Variants in DYSF observed in about 807,000 individuals in gnomAD.
DYSF encodes the protein dystrophy-associated fer-1-like 1.
In DYSF, 212 loss-of-function variants were observed where a neutral mutation model predicts 274.9. The ratio of observed to expected loss-of-function variants is 0.77; its 90% CI spans 0.69 to 0.86. The LOEUF (loss-of-function observed/expected upper bound fraction) is 0.86, where lower values mean the gene tolerates loss of function less well. Among genes scored for constraint, DYSF ranks in the 40% least tolerant of loss-of-function variants. The pLI, the probability that DYSF is intolerant of heterozygous loss-of-function variation, is 0.00. For synonymous variants in DYSF, 1,091 were observed against 1,078.7 expected (o/e 1.01, Z -0.22); for missense variants, 2,666 against 2,783.2 (o/e 0.96, Z 0.95).
intron 10 of DYSF, among the ~76,000 whole-genome samples, chr2:71,519,811 G>GTTTTT (rs70959241): frequency 8.4e-4 from 86 of 102,262 alleles, no homozygotes; most frequent in Non-Finnish European, 1.1e-3. Context: ...CACCCGGCTA[G>GTTTTT]TTTTTTTTTT....
intron 14 of DYSF, among the ~76,000 whole-genome samples, chr2:71,532,129 T>C (rs1422288255): frequency 2.0e-5 from 3 of 152,360 alleles, no homozygotes; most frequent in African/African-American, 7.2e-5. Flanking sequence ...GAAATGATTT[T>C]TTTTGATGGC....
chr2:71,543,646 G>A (rs1425795135), intron 17 of DYSF, among the ~76,000 whole-genome samples: 7 of 152,332 alleles, frequency 4.6e-5, no homozygotes, highest in Admixed American at 2.6e-4. Flanking sequence ...GATCACTCGC[G>A]GTTAGGAGCT....
chr2:71,504,459 A>G (rs2085291843), intron 4 of DYSF, among the ~76,000 whole-genome samples: 1 of 152,086 alleles, frequency 6.6e-6, no homozygotes, highest in African/African-American at 2.4e-5. Context: ...GCCTGTCTCC[A>G]TCACCCTGAG....
intron 32 of DYSF, among the ~76,000 whole-genome samples, chr2:71,598,111 A>AC (rs1482153775): frequency 6.6e-6 from 1 of 152,250 alleles, no homozygotes; most frequent in Non-Finnish European, 1.5e-5. Flanking sequence ...TTGTAATTTT[A>AC]CGTTAGCTTG....
intron 3 of DYSF, among the ~76,000 whole-genome samples, chr2:71,491,982 C>G (rs940825467): frequency 6.6e-6 from 1 of 152,148 alleles, no homozygotes; most frequent in Admixed American, 6.5e-5. Context: ...TGCCAGCCCC[C>G]GCTTCTGGCA....
intron 1 of DYSF, among the ~76,000 whole-genome samples, chr2:71,460,603 G>T (rs1043965823): frequency 5.3e-5 from 8 of 152,126 alleles, no homozygotes; most frequent in African/African-American, 1.9e-4. Flanking sequence ...GTCTGCAAGG[G>T]AACAGTCAGT....
intron 17 of DYSF, among the ~76,000 whole-genome samples, chr2:71,543,718 C>T (rs1317085087): frequency 1.3e-5 from 2 of 152,244 alleles, no homozygotes; most frequent in African/African-American, 2.4e-5. Flanking sequence ...GAAAACCAGT[C>T]AGGCGTGGCG....
intron 52 of DYSF, among the ~76,000 whole-genome samples, chr2:71,678,370 A>G (rs956394616): frequency 2.0e-5 from 3 of 152,212 alleles, no homozygotes; most frequent in African/African-American, 7.2e-5. Context: ...AAAAAACACT[A>G]CTGATATATA....
chr2:71,612,271 G>A (rs1222748100), intron 38 of DYSF, among the ~76,000 whole-genome samples: 1 of 152,172 alleles, frequency 6.6e-6, no homozygotes, highest in East Asian at 1.9e-4. Context: ...AAGAATCTGG[G>A]TCTGTAAGCC....
chr2:71,686,498 C>G lies in DYSF; in HGVS notation c.*6C>G, dbSNP rs763956156. 3 of 1,614,112 alleles carry G rather than the reference C, an allele frequency of 1.9e-6. No homozygotes were observed. The South Asian group carries it at 3.3e-5, about 18-fold the overall frequency. ...TGGTGAAGCCCTTCAGCTGAGGACT[C>G]TCCTGCCCTGTAGAAGGGGCCGTGG... On this transcript the variant is annotated 3_prime_UTR_variant, in exon 56 of 56. Coordinates refer to ENST00000410020, the MANE Select transcript of DYSF (RefSeq NM_001130987.2).
At position 71,481,985 on chromosome 2, in the gene DYSF, G is replaced by A. The variant is rs376711978; in HGVS notation, c.239+15G>A. 3.1e-6 allele frequency: 5 copies of A among 1,607,752 alleles called. No homozygotes were observed. In the South Asian group the frequency reaches 3.3e-5, roughly 11 times the overall value. On this transcript the variant is annotated intron_variant, in intron 3 of 55. Coordinates refer to ENST00000410020, the MANE Select transcript of DYSF (RefSeq NM_001130987.2). ...GGGAGGAACAGGTAAGGTGGCCAGA[G>A]GGGGGTGCTCCATGGCTTGAAGGTG...
intron 1 of DYSF, among the ~76,000 whole-genome samples, chr2:71,458,806 C>T (rs550325342): frequency 1.1e-4 from 17 of 152,294 alleles, no homozygotes; most frequent in Admixed American, 5.2e-4. Context: ...CTCCCAACAC[C>T]GCTGCAAACT....
At chr2:71,677,685 A>G (rs1253876017) in intron 52 of DYSF, among the ~76,000 whole-genome samples, 1 of 152,250 alleles carries the variant, frequency 6.6e-6, no homozygotes, top group Non-Finnish European at 1.5e-5. Context: ...AAACCAGAAT[A>G]TAGCAAGTGT....
chr2:71,639,522 C>G (rs2094455847), intron 41 of DYSF, among the ~76,000 whole-genome samples: 5 of 152,154 alleles, frequency 3.3e-5, no homozygotes, highest in Admixed American at 3.3e-4. Context: ...TTATAAATCT[C>G]ATCAGTTGTG....
At chr2:71,622,135 T>TTTTTTTTTTTTTTTTTTTTTTTG (rs1558651860) in intron 41 of DYSF, among the ~76,000 whole-genome samples, 3 of 138,612 alleles carry the variant, frequency 2.2e-5, no homozygotes, top group East Asian at 2.1e-4. Flanking sequence ...TCTTTGTTTT[T>TTTTTTTTTTTTTTTTTTTTTTTG]TTTTTTTTTT....
intron 33 of DYSF, among the ~76,000 whole-genome samples, chr2:71,598,997 G>T (rs569096617): frequency 6.6e-6 from 1 of 152,350 alleles, no homozygotes; most frequent in Non-Finnish European, 1.5e-5. Flanking sequence ...CAGGGGCTTG[G>T]GTTTTCTCTG....
At position 71,585,948 on chromosome 2, in the gene DYSF, C is replaced by T. The variant is rs542288301; in HGVS notation, c.3403-3645C>T. Among the ~76,000 whole-genome samples the T allele has an allele frequency of 5.9e-5, 9 of 151,976 alleles. No individual in the cohort carries two copies. The South Asian group carries it at 1.7e-3, about 28-fold the overall frequency. On this transcript the variant is annotated intron_variant, in intron 30 of 55. Transcript: ENST00000410020. ...GACTGCACAGAAACGTCAGGGGACA[C>T]ATGGGGCAAGGGCCTGGGGGCAAGA...
intron 12 of DYSF, among the ~76,000 whole-genome samples, chr2:71,524,252 A>T (rs1239579504): frequency 1.3e-5 from 2 of 152,178 alleles, no homozygotes; most frequent in Non-Finnish European, 2.9e-5. Context: ...TAGTCTAATC[A>T]GTTTATGTGT....
At chr2:71,618,316 G>T (rs2093974435) in intron 40 of DYSF, among the ~76,000 whole-genome samples, 1 of 121,654 alleles carries the variant, frequency 8.2e-6, no homozygotes. Context: ...GTGTGTGTGT[G>T]TGTGGTAGAG....
Sources: allele counts gnomAD v4.1 joint callset (sites outside exome capture counted in the v4.1 genomes callset), GRCh38; gene constraint gnomAD v4.1.1; transcripts MANE v1.5; gene names NCBI Gene and HGNC (gene_info 2026-07-23, HGNC 2026-07-21).